Variants in EPHA6 observed in about 807,000 individuals in gnomAD.
EPHA6 encodes ephrin type-A receptor 6.
A neutral mutation model predicts 112.0 loss-of-function variants in EPHA6; 50 were observed. The ratio of observed to expected loss-of-function variants is 0.45; its 90% CI spans 0.36 to 0.56. The LOEUF (loss-of-function observed/expected upper bound fraction) is 0.56, where lower values mean the gene tolerates loss of function less well. EPHA6 is among the 20% of genes least tolerant of loss of function. The probability of loss-of-function intolerance (pLI) is 0.00; values close to 1 mark genes in which losing one functional copy is unlikely to be tolerated. For missense variants in EPHA6, 1,280 were observed against 1,417.4 expected (o/e 0.90, Z 1.56); for synonymous variants, 529 against 490.7 (o/e 1.08, Z -1.03).
At chr3:97,501,577 C>T (rs1245182416) in intron 10 of EPHA6, among the ~76,000 whole-genome samples, 1 of 151,754 alleles carries the variant, frequency 6.6e-6, no homozygotes, top group Non-Finnish European at 1.5e-5. Flanking sequence ...AATTAAATAA[C>T]TCACTTAAAT....
intron 10 of EPHA6, among the ~76,000 whole-genome samples, chr3:97,494,076 A>G (rs28573232): frequency 0.068 from 10,399 of 152,272 alleles, 1,113 homozygotes; most frequent in African/African-American, 0.23. Context: ...GGATGTACCT[A>G]TTATGGGTTA....
chr3:97,474,159 T>C (rs2091305120), intron 7 of EPHA6, among the ~76,000 whole-genome samples: 1 of 151,886 alleles, frequency 6.6e-6, no homozygotes, highest in Admixed American at 6.6e-5. Context: ...ATATACTGCA[T>C]ACTCAATTCC....
At chr3:97,459,170 A>G (rs1181120424) in intron 7 of EPHA6, among the ~76,000 whole-genome samples, 1 of 152,330 alleles carries the variant, frequency 6.6e-6, no homozygotes, top group African/African-American at 2.4e-5. Flanking sequence ...GTATCTGTGC[A>G]AGTGTAGAGA....
chr3:97,537,608 T>G (rs2092781982), intron 11 of EPHA6, among the ~76,000 whole-genome samples: 1 of 152,218 alleles, frequency 6.6e-6, no homozygotes, highest in African/African-American at 2.4e-5. Flanking sequence ...AGACGGAGTT[T>G]CACTCTGTCA....
chr3:97,478,131 C>T (rs755144467), intron 8 of EPHA6, among the ~76,000 whole-genome samples: 36 of 151,914 alleles, frequency 2.4e-4, no homozygotes, highest in Non-Finnish European at 4.4e-4. Context: ...ATCCTCTGGA[C>T]GTTTAAAAGA....
chr3:97,573,842 G>A (rs1361434257), intron 11 of EPHA6, among the ~76,000 whole-genome samples: 1 of 152,006 alleles, frequency 6.6e-6, no homozygotes, highest in African/African-American at 2.4e-5. Context: ...ATAAATTAAT[G>A]TTTCCTGAAG....
intron 3 of EPHA6, among the ~76,000 whole-genome samples, chr3:97,033,725 T>A (rs2044969752): frequency 1.3e-5 from 2 of 151,972 alleles, no homozygotes; most frequent in East Asian, 1.9e-4. Flanking sequence ...AATAAATTAA[T>A]GTTCATTCTA....
At chr3:97,345,984 T>G (rs1303058015) in intron 5 of EPHA6, among the ~76,000 whole-genome samples, 2 of 152,154 alleles carry the variant, frequency 1.3e-5, no homozygotes, top group African/African-American at 4.8e-5. Flanking sequence ...ACAAAAATTT[T>G]ATTGATAAAA....
chr3:97,687,084 C>T (rs1042450585), intron 14 of EPHA6, among the ~76,000 whole-genome samples: 2 of 152,152 alleles, frequency 1.3e-5, no homozygotes, highest in African/African-American at 4.8e-5. Context: ...AAAGTCCTTT[C>T]CCCTGCAATA....
intron 3 of EPHA6, among the ~76,000 whole-genome samples, chr3:97,019,534 T>C (rs1422583080): frequency 1.3e-5 from 2 of 152,170 alleles, no homozygotes; most frequent in African/African-American, 4.8e-5. Flanking sequence ...TGTCTCTACC[T>C]CATTTCCTTC....
At chr3:97,594,228 T>C (rs1468048440) in intron 12 of EPHA6, among the ~76,000 whole-genome samples, 1 of 152,212 alleles carries the variant, frequency 6.6e-6, no homozygotes, top group Non-Finnish European at 1.5e-5. Context: ...TCAACATCAC[T>C]GTTAGAAAAC....
chr3:96,973,550 A>G (rs531851130), intron 2 of EPHA6, among the ~76,000 whole-genome samples: 2 of 152,136 alleles, frequency 1.3e-5, no homozygotes, highest in East Asian at 3.9e-4. Context: ...TGCTGGGCAC[A>G]GTGGCTCATG....
chr3:97,073,051 C>G (rs1364353755), intron 3 of EPHA6, among the ~76,000 whole-genome samples: 1 of 152,132 alleles, frequency 6.6e-6, no homozygotes, highest in Non-Finnish European at 1.5e-5. Flanking sequence ...TGCCCCCTCC[C>G]GCTTCTAGTT....
intron 12 of EPHA6, among the ~76,000 whole-genome samples, chr3:97,602,871 A>G (rs982902441): frequency 6.6e-6 from 1 of 151,998 alleles, no homozygotes; most frequent in African/African-American, 2.4e-5. Flanking sequence ...TTAGTTTTGA[A>G]CTTCGACATT....
At chr3:97,022,899 G>C (rs1185844134) in intron 3 of EPHA6, among the ~76,000 whole-genome samples, 1 of 152,180 alleles carries the variant, frequency 6.6e-6, no homozygotes, top group Non-Finnish European at 1.5e-5. Context: ...TAGCAGGCCA[G>C]CTTGAGCACA....
At chr3:97,390,642 C>T (rs1027945255) in intron 5 of EPHA6, among the ~76,000 whole-genome samples, 5 of 151,854 alleles carry the variant, frequency 3.3e-5, no homozygotes, top group Non-Finnish European at 5.9e-5. Flanking sequence ...TATTTTATAG[C>T]TGGAGTATAC....
intron 5 of EPHA6, among the ~76,000 whole-genome samples, chr3:97,335,239 T>C (rs2083002756): frequency 6.6e-6 from 1 of 152,156 alleles, no homozygotes; most frequent in African/African-American, 2.4e-5. Flanking sequence ...CTTTCTCTTT[T>C]TTTCTTTCTG....
intron 4 of EPHA6, among the ~76,000 whole-genome samples, chr3:97,231,561 T>A (rs995123365): frequency 7.2e-5 from 11 of 152,086 alleles, no homozygotes; most frequent in Admixed American, 2.6e-4. Context: ...GATGGTGAAG[T>A]TTATATACCC....
chr3:97,746,175 T>C (rs899873679), intron 16 of EPHA6, among the ~76,000 whole-genome samples: 7 of 151,892 alleles, frequency 4.6e-5, no homozygotes, highest in Non-Finnish European at 8.8e-5. Context: ...TTGAACTAAC[T>C]TCAATATTCC....
Sources: allele counts gnomAD v4.1 joint callset (sites outside exome capture counted in the v4.1 genomes callset), GRCh38; gene constraint gnomAD v4.1.1; transcripts MANE v1.5; gene names NCBI Gene and HGNC (gene_info 2026-07-23, HGNC 2026-07-21).